Variants in MAGI2 observed in about 807,000 individuals in gnomAD.
MAGI2 encodes the protein membrane-associated guanylate kinase, WW and PDZ domain-containing protein 2.
A neutral mutation model predicts 133.3 loss-of-function variants in MAGI2; 35 were observed. That is an observed-to-expected ratio of 0.26 (90% CI 0.20 to 0.35). MAGI2 has a LOEUF of 0.35. Among genes scored for constraint, MAGI2 ranks in the 10% least tolerant of loss-of-function variants. The pLI is 1.00. For missense variants in MAGI2, 1,636 were observed against 1,863.4 expected, an observed-to-expected ratio of 0.88 and a Z score of 2.25; for synonymous variants, 729 against 710.6, an observed-to-expected ratio of 1.03 and a Z score of -0.41.
intron 1 of MAGI2, among the ~76,000 whole-genome samples, chr7:79,126,153 T>C (rs1820389657): frequency 6.6e-6 from 1 of 152,164 alleles, no homozygotes; most frequent in South Asian, 2.1e-4. Flanking sequence ...GCTGGATAAA[T>C]GTACCTTTAA....
At chr7:78,977,371 G>A (rs1325529789) in intron 2 of MAGI2, among the ~76,000 whole-genome samples, 3 of 151,034 alleles carry the variant, frequency 2.0e-5, no homozygotes, top group Non-Finnish European at 4.4e-5. Context: ...CAATCAGACA[G>A]CCACATGCAG....
At chr7:79,221,832 G>A (rs1311960159) in intron 1 of MAGI2, among the ~76,000 whole-genome samples, 1 of 151,922 alleles carries the variant, frequency 6.6e-6, no homozygotes, top group Admixed American at 6.6e-5. Flanking sequence ...GTCTGGATTG[G>A]GGTATTAGTA....
intron 11 of MAGI2, among the ~76,000 whole-genome samples, 196 bp from the exon 12 acceptor site, chr7:78,195,259 G>T (rs1828616012): frequency 6.6e-6 from 1 of 152,184 alleles, no homozygotes; most frequent in Non-Finnish European, 1.5e-5. Context: ...AATACAAGTG[G>T]TGCCTGACTT....
intron 21 of MAGI2, among the ~76,000 whole-genome samples, chr7:78,037,580 C>T (rs1187018407): frequency 3.3e-5 from 5 of 152,098 alleles, no homozygotes; most frequent in African/African-American, 2.4e-5. Flanking sequence ...TTCATTTTAG[C>T]GCAAGATAAG....
At chr7:78,138,495 G>A (rs942038365) in intron 16 of MAGI2, among the ~76,000 whole-genome samples, 5 of 152,178 alleles carry the variant, frequency 3.3e-5, no homozygotes, top group South Asian at 4.2e-4. Flanking sequence ...ATTTAAAAAC[G>A]TACTTCAAAA....
chr7:78,111,126 G>A (rs540866691), intron 20 of MAGI2, among the ~76,000 whole-genome samples: 2 of 152,308 alleles, frequency 1.3e-5, no homozygotes, highest in African/African-American at 2.4e-5. Flanking sequence ...CGTAAACACT[G>A]CTTTGTAAAA....
At chr7:78,970,451 C>G (rs1803692658) in intron 2 of MAGI2, among the ~76,000 whole-genome samples, 1 of 151,982 alleles carries the variant, frequency 6.6e-6, no homozygotes, top group Non-Finnish European at 1.5e-5. Flanking sequence ...ATTAAAATAA[C>G]TTGAGATCCC....
chr7:78,698,594 G>T (rs536192448), intron 2 of MAGI2, among the ~76,000 whole-genome samples: 2 of 152,246 alleles, frequency 1.3e-5, no homozygotes, highest in African/African-American at 4.8e-5. Flanking sequence ...TATCCTGATT[G>T]TATTAGCCTG....
intron 5 of MAGI2, among the ~76,000 whole-genome samples, chr7:78,494,652 T>A (rs1291630626): frequency 6.6e-6 from 1 of 152,190 alleles, no homozygotes; most frequent in Non-Finnish European, 1.5e-5. Context: ...TTTTCTTTCG[T>A]TCTTTAATAT....
chr7:79,374,208 C>G (rs1843231522), intron 1 of MAGI2, among the ~76,000 whole-genome samples: 1 of 151,754 alleles, frequency 6.6e-6, no homozygotes, highest in Non-Finnish European at 1.5e-5. Flanking sequence ...CAGGATGTGG[C>G]TTTTTTTGGA....
chr7:78,387,787 G>A (rs536101397), intron 6 of MAGI2, among the ~76,000 whole-genome samples: 7 of 152,200 alleles, frequency 4.6e-5, no homozygotes, highest in African/African-American at 1.4e-4. Flanking sequence ...TTAATTAGGT[G>A]TGATGGCACG....
At chr7:78,510,253 T>C (rs1375212465) in intron 4 of MAGI2, among the ~76,000 whole-genome samples, 1 of 152,162 alleles carries the variant, frequency 6.6e-6, no homozygotes, top group Non-Finnish European at 1.5e-5. Context: ...AATCTGTCCT[T>C]TAAAGTGGGA....
At chr7:79,136,117 GAAAGAAAGAA>G (rs1271761195) in intron 1 of MAGI2, among the ~76,000 whole-genome samples, 1 of 148,634 alleles carries the variant, frequency 6.7e-6, no homozygotes, top group Non-Finnish European at 1.5e-5. Flanking sequence ...AAGAAAGAAA[GAAAGAAAGAA>G]AGACACAAAA....
At position 78,717,866 on chromosome 7, in the gene MAGI2, T is replaced by C. The variant is rs77191993; in HGVS notation, c.419-90627A>G. ...GCAGTACTAGTATAAGTATTAGTAC[T>C]AGCATAAGTACTAATATAAGCAAAT... On this transcript the variant is annotated intron_variant, in intron 2 of 21. Transcript: ENST00000354212. Among the ~76,000 whole-genome samples, 515 of 152,306 alleles carry C rather than the reference T, an allele frequency of 3.4e-3. 20 individuals carry two copies. In the East Asian group the frequency reaches 0.067, roughly 20 times the overall value.
chr7:78,387,444 G>C (rs1795489973), intron 6 of MAGI2, among the ~76,000 whole-genome samples: 1 of 152,178 alleles, frequency 6.6e-6, no homozygotes, highest in South Asian at 2.1e-4. Flanking sequence ...TGGAAGAGGA[G>C]AGGAGAAACC....
At chr7:79,212,328 A>G (rs1829568931) in intron 1 of MAGI2, among the ~76,000 whole-genome samples, 1 of 151,924 alleles carries the variant, frequency 6.6e-6, no homozygotes, top group African/African-American at 2.4e-5. Context: ...TGGCTCATCT[A>G]TTTTTTGCCA....
At chr7:78,370,182 C>A (rs1160194838) in intron 6 of MAGI2, among the ~76,000 whole-genome samples, 2 of 151,974 alleles carry the variant, frequency 1.3e-5, no homozygotes, top group African/African-American at 2.4e-5. Context: ...CAAAAATAAC[C>A]AGTGTTAATA....
At chr7:78,045,225 T>A (rs1014450371) in intron 21 of MAGI2, among the ~76,000 whole-genome samples, 1 of 151,668 alleles carries the variant, frequency 6.6e-6, no homozygotes, top group Admixed American at 6.6e-5. Context: ...ATAATAAATC[T>A]AAGGATGTAC....
intron 3 of MAGI2, among the ~76,000 whole-genome samples, chr7:78,533,940 G>A (rs1193856693): frequency 6.6e-6 from 1 of 152,290 alleles, no homozygotes; most frequent in South Asian, 2.1e-4. Context: ...CACGATTGGG[G>A]TTGAGCTGCT....
Sources: gnomAD v4.1 joint callset for allele counts (sites outside exome capture counted in the v4.1 genomes callset) on GRCh38, gnomAD v4.1.1 for gene constraint, MANE v1.5 for transcripts, NCBI Gene and HGNC (gene_info 2026-07-23, HGNC 2026-07-21) for gene names.